SCAF8: variants seen among roughly 807,000 people sequenced by gnomAD.
SCAF8 encodes the protein SR-related and CTD-associated factor 8.
A neutral mutation model predicts 140.5 loss-of-function variants in SCAF8; 23 were observed. The observed-to-expected ratio is 0.16, with a 90% CI of 0.12 to 0.23. The LOEUF is 0.23. Ranked by LOEUF, SCAF8 falls within the 10% of genes least tolerant of loss-of-function variation. SCAF8 has a pLI of 1.00. For missense variants in SCAF8, 1,397 were observed against 1,555.7 expected (o/e 0.90, Z 1.72); for synonymous variants, 575 against 528.9 (o/e 1.09, Z -1.20).
chr6:154,785,447 C>A (rs908823929), intron 3 of SCAF8, among the ~76,000 whole-genome samples: 4 of 152,338 alleles, frequency 2.6e-5, no homozygotes, highest in Middle Eastern at 3.4e-3. Flanking sequence ...GATTTACTCT[C>A]TTCCTCGCAA....
At position 154,733,810 on chromosome 6, in the gene SCAF8, G is replaced by C. The variant is rs540708743; in HGVS notation, c.-91G>C. ...CTCCCGCCAGCGCCCCCTCCTCGCGGCCACGCAGCAGCCCGCGTCTCGCTC... is the reference window on the plus strand; with the variant it reads ...CTCCCGCCAGCGCCCCCTCCTCGCGCCCACGCAGCAGCCCGCGTCTCGCTC... On this transcript the variant is annotated 5_prime_UTR_variant, in exon 1 of 20. Coordinates refer to ENST00000367178, the MANE Select transcript of SCAF8 (RefSeq NM_014892.5). 6.9e-7 allele frequency: 1 copy of C among 1,453,206 alleles called. No individual in the cohort carries two copies. The highest frequency in any genetic ancestry group is 9.0e-7 in the Non-Finnish European group (1 of 1,105,444). The allele number at this position is 1,453,206 out of a possible 1,614,324, so 90.0% of individuals were successfully genotyped here.
intron 1 of SCAF8, among the ~76,000 whole-genome samples, chr6:154,735,817 C>T (rs548338348): frequency 4.6e-5 from 7 of 151,874 alleles, no homozygotes; most frequent in African/African-American, 1.7e-4. Flanking sequence ...CCTGGTGTTT[C>T]ATTTTTTTTC....
At chr6:154,741,775 C>A (rs1443334814) in intron 1 of SCAF8, among the ~76,000 whole-genome samples, 3 of 152,136 alleles carry the variant, frequency 2.0e-5, no homozygotes, top group Admixed American at 1.3e-4. Context: ...GTTGTATGTA[C>A]AATTTCAGAT....
In SCAF8 at chr6:154,748,091, C is replaced by T. The variant is rs752649692; in HGVS notation, c.30+14161C>T. Among the ~76,000 whole-genome samples the T allele has an allele frequency of 2.5e-4, 38 of 152,260 alleles. 1 individual carries two copies. The highest frequency in any genetic ancestry group is 2.3e-3 in the Admixed American group (35 of 15,288). ...TTTTAAAAGGTTAGCTCATTGCTTT[C>T]TATCTCTTCCTTTTTTGTGAAGTGT... On this transcript the variant is annotated intron_variant, in intron 1 of 19. Transcript: ENST00000367178.
At chr6:154,789,480 T>C (rs533289131) in intron 4 of SCAF8, among the ~76,000 whole-genome samples, 2 of 152,246 alleles carry the variant, frequency 1.3e-5, no homozygotes, top group East Asian at 3.9e-4. Flanking sequence ...CAGAAAGTTT[T>C]TGATTTTTGT....
Position 154,782,841 on chromosome 6 carries a change from C to G in SCAF8, c.159+4796C>G, listed in dbSNP as rs528445831. On this transcript the variant is annotated intron_variant, in intron 3 of 19. Transcript: ENST00000367178. ...TATTTTTCTACCTGCTCTATACTTGCTGGCAGCTGATTAGATGGTGCCCAC... is the reference window on the plus strand; with the variant it reads ...TATTTTTCTACCTGCTCTATACTTGGTGGCAGCTGATTAGATGGTGCCCAC... Among the ~76,000 whole-genome samples, 3 of 152,262 alleles carry G rather than the reference C, an allele frequency of 2.0e-5. No homozygotes were observed. In the East Asian group the frequency reaches 5.8e-4, roughly 29 times the overall value.
chr6:154,822,827 A>G (rs1378193858), intron 16 of SCAF8, among the ~76,000 whole-genome samples: 3 of 152,060 alleles, frequency 2.0e-5, no homozygotes, highest in South Asian at 2.1e-4. Flanking sequence ...GCTCTGTGAC[A>G]CTCACTCTTC....
At chr6:154,780,978 CA>C (rs1777067300) in intron 3 of SCAF8, among the ~76,000 whole-genome samples, 1 of 152,114 alleles carries the variant, frequency 6.6e-6, no homozygotes, top group Non-Finnish European at 1.5e-5. Context: ...AACTAATTTA[CA>C]TTCCCACCAA....
At chr6:154,803,192 A>G (rs1777819405) in intron 7 of SCAF8, among the ~76,000 whole-genome samples, 1 of 152,174 alleles carries the variant, frequency 6.6e-6, no homozygotes, top group South Asian at 2.1e-4. Context: ...CTAAGATGAG[A>G]ACCATATTAG....
intron 1 of SCAF8, among the ~76,000 whole-genome samples, chr6:154,753,915 G>A (rs1422705996): frequency 2.0e-5 from 3 of 152,086 alleles, no homozygotes; most frequent in South Asian, 2.1e-4. Context: ...ATAGCTCACC[G>A]TAGCCTTGAA....
At chr6:154,760,246 A>G (rs1299613259) in intron 1 of SCAF8, among the ~76,000 whole-genome samples, 1 of 152,202 alleles carries the variant, frequency 6.6e-6, no homozygotes, top group Non-Finnish European at 1.5e-5. Flanking sequence ...GTGAGCCAAG[A>G]TGGTGCCACT....
intron 9 of SCAF8, 30 bp downstream of exon 9, chr6:154,805,516 G>A (rs1777887928): frequency 3.2e-6 from 4 of 1,250,578 alleles, no homozygotes; most frequent in East Asian, 2.4e-5. Context: ...GGTCTTTAGA[G>A]TTATTACTAT....
intron 16 of SCAF8, 133 bp from the exon 17 acceptor site, chr6:154,824,101 A>C (rs1210678778): frequency 2.4e-6 from 2 of 827,864 alleles, no homozygotes; most frequent in Non-Finnish European, 3.8e-6. Flanking sequence ...CAAGTATACA[A>C]AAAGGGGGCA....
At chr6:154,822,017 ATCTCT>A (rs1358723570) in intron 15 of SCAF8, 2 of 305,618 alleles carry the variant, frequency 6.5e-6, no homozygotes, top group East Asian at 1.1e-4. Context: ...TATCTATTGT[ATCTCT>A]TCTAAGTGTT....
intron 13 of SCAF8, among the ~76,000 whole-genome samples, chr6:154,818,120 A>G (rs72993475): frequency 0.017 from 2,565 of 152,304 alleles, 28 homozygotes; most frequent in Non-Finnish European, 0.024. Context: ...GCCATATAAT[A>G]CTACTTTCCT....
At chr6:154,786,084 A>G (rs1247143865) in intron 3 of SCAF8, among the ~76,000 whole-genome samples, 1 of 152,202 alleles carries the variant, frequency 6.6e-6, no homozygotes, top group African/African-American at 2.4e-5. Flanking sequence ...AATTCACGCA[A>G]AGCCGGCTGT....
chr6:154,745,626 G>A (rs1245255101), intron 1 of SCAF8, among the ~76,000 whole-genome samples: 1 of 152,096 alleles, frequency 6.6e-6, no homozygotes, highest in Non-Finnish European at 1.5e-5. Flanking sequence ...TCCCTACTGT[G>A]TAGTTACTGT....
intron 1 of SCAF8, among the ~76,000 whole-genome samples, chr6:154,772,850 C>G (rs1413603723): frequency 6.6e-6 from 1 of 152,116 alleles, no homozygotes; most frequent in Admixed American, 6.5e-5. Context: ...ACCTCCACCT[C>G]TTGGGTTCAA....
Position 154,771,884 on chromosome 6 carries a change from T to TG in SCAF8, c.31-2098dup, listed in dbSNP as rs1431359971. 1.3e-4 allele frequency among the ~76,000 whole-genome samples: 19 copies of TG among 151,792 alleles called. No individual in the cohort carries two copies. The East Asian group carries it at 1.7e-3, about 14-fold the overall frequency. On this transcript the variant is annotated intron_variant, in intron 1 of 19. Transcript: ENST00000367178. ...TACCCCCGAATTCTAAAATAGAAGT[T>TG]GGGGGGGAAAAAAAGAAAAGATAGC...
Sources: gnomAD v4.1 joint callset for allele counts (sites outside exome capture counted in the v4.1 genomes callset) on GRCh38, gnomAD v4.1.1 for gene constraint, MANE v1.5 for transcripts, NCBI Gene and HGNC (gene_info 2026-07-23, HGNC 2026-07-21) for gene names.